FARS2: variants seen among roughly 807,000 people sequenced by gnomAD.
FARS2 encodes phenylalanyl-tRNA synthetase 2, mitochondrial.
Under a neutral mutation model 46.4 loss-of-function variants are expected in FARS2, and 40 were observed. The ratio of observed to expected loss-of-function variants is 0.86; its 90% CI spans 0.67 to 1.12. The LOEUF (loss-of-function observed/expected upper bound fraction) is 1.12. Ranked by LOEUF, FARS2 falls within the 50% of genes most tolerant of loss-of-function variation. The pLI is 0.00. For missense variants in FARS2, 513 were observed against 567.9 expected, an observed-to-expected ratio of 0.90 and a Z score of 0.98; for synonymous variants, 234 against 214.9, an observed-to-expected ratio of 1.09 and a Z score of -0.78.
chr6:5,725,275 A>G (rs9405282), intron 6 of FARS2, among the ~76,000 whole-genome samples: 144,334 of 152,276 alleles, frequency 0.95, 68,442 homozygotes, highest in East Asian at 1. Context: ...GGAAGGTGAA[A>G]GGTGTCCGTG....
intron 4 of FARS2, among the ~76,000 whole-genome samples, chr6:5,543,736 A>G (rs1770775715): frequency 6.6e-6 from 1 of 152,046 alleles, no homozygotes; most frequent in African/African-American, 2.4e-5. Context: ...GCTCGTTGAG[A>G]CGAGTCCTGC....
intron 3 of FARS2, among the ~76,000 whole-genome samples, chr6:5,412,188 C>T (rs762197506): frequency 2.6e-5 from 4 of 152,312 alleles, no homozygotes; most frequent in East Asian, 3.9e-4. Context: ...GATTGCCGAT[C>T]GCCTGCAGCT....
chr6:5,488,435 G>A (rs1251281836), intron 4 of FARS2, among the ~76,000 whole-genome samples: 3 of 152,216 alleles, frequency 2.0e-5, no homozygotes, highest in South Asian at 2.1e-4. Context: ...CTAATCTAAT[G>A]TACTTATATT....
At chr6:5,629,212 G>T (rs1436620764) in intron 6 of FARS2, among the ~76,000 whole-genome samples, 2 of 152,152 alleles carry the variant, frequency 1.3e-5, no homozygotes, top group South Asian at 4.1e-4. Context: ...AAAAATGAGT[G>T]CTTGTCCTCA....
intron 6 of FARS2, among the ~76,000 whole-genome samples, chr6:5,648,513 A>G (rs1383450586): frequency 6.6e-6 from 1 of 152,198 alleles, no homozygotes; most frequent in Non-Finnish European, 1.5e-5. Context: ...CATTCCCTGT[A>G]GGGTGAAGGG....
At chr6:5,432,834 G>T (rs1763306472) in intron 4 of FARS2, among the ~76,000 whole-genome samples, 1 of 152,150 alleles carries the variant, frequency 6.6e-6, no homozygotes, top group South Asian at 2.1e-4. Context: ...CTTGGAAAAT[G>T]AGGATGAGCA....
At chr6:5,701,671 A>G (rs1403663454) in intron 6 of FARS2, among the ~76,000 whole-genome samples, 2 of 152,214 alleles carry the variant, frequency 1.3e-5, no homozygotes, top group Non-Finnish European at 2.9e-5. Context: ...TCATCCCTAA[A>G]CGAACAGTAG....
chr6:5,431,283 C>T, intron 4 of FARS2, 111 bp downstream of exon 4: 1 of 1,052,260 alleles, frequency 9.5e-7, no homozygotes, highest in East Asian at 2.4e-5. Context: ...CGGGCAGCGG[C>T]ATCACTGGTC....
At chr6:5,361,609 T>G (rs1044710689) in intron 1 of FARS2, among the ~76,000 whole-genome samples, 5 of 152,240 alleles carry the variant, frequency 3.3e-5, no homozygotes, top group Admixed American at 2.0e-4. Flanking sequence ...TTGACTTGGC[T>G]TTGTATCAGT....
intron 3 of FARS2, among the ~76,000 whole-genome samples, chr6:5,429,576 C>T (rs1763044922): frequency 6.6e-6 from 1 of 152,132 alleles, no homozygotes; most frequent in Non-Finnish European, 1.5e-5. Flanking sequence ...GAGTTTGAGT[C>T]AGGAGGATTG....
chr6:5,481,718 A>T (rs1225482133), intron 4 of FARS2, among the ~76,000 whole-genome samples: 1 of 112,564 alleles, frequency 8.9e-6, no homozygotes, highest in African/African-American at 2.8e-5. Flanking sequence ...TGGTCGTTTG[A>T]GCTTATCCAG....
At chr6:5,395,621 C>T (rs1375496718) in intron 2 of FARS2, among the ~76,000 whole-genome samples, 2 of 152,292 alleles carry the variant, frequency 1.3e-5, no homozygotes, top group Non-Finnish European at 2.9e-5. Flanking sequence ...TTCTCCTCTC[C>T]TTATTCTCCA....
chr6:5,729,793 T>G (rs944391252), intron 6 of FARS2, among the ~76,000 whole-genome samples: 2 of 152,234 alleles, frequency 1.3e-5, no homozygotes, highest in African/African-American at 4.8e-5. Context: ...ATAAAATGAC[T>G]CCTATGCTCC....
rs566699708 is a variant in FARS2, at chr6:5,644,702, G to A, written c.1217+31382G>A. On this transcript the variant is annotated intron_variant, in intron 6 of 6. Transcript: ENST00000274680. Reference sequence around the variant, plus strand: ...CCCCAGAGGAAAGCTTGGACATTCTGAAGTTTGACCTACCTGTTCTAAACT... The same window carrying A: ...CCCCAGAGGAAAGCTTGGACATTCTAAAGTTTGACCTACCTGTTCTAAACT... 2.0e-5 allele frequency among the ~76,000 whole-genome samples: 3 copies of A among 152,314 alleles called. No homozygotes were observed. In the South Asian group the frequency reaches 6.2e-4, roughly 32 times the overall value.
intron 4 of FARS2, among the ~76,000 whole-genome samples, chr6:5,539,268 A>G (rs1463109430): frequency 2.7e-5 from 4 of 150,042 alleles, no homozygotes; most frequent in Non-Finnish European, 5.9e-5. Flanking sequence ...GTGCAGTGGC[A>G]CGATCTCGGC....
the FARS2 span, among the ~76,000 whole-genome samples, chr6:5,255,297 G>C: frequency 4.6e-5 from 7 of 152,140 alleles, no homozygotes; most frequent in African/African-American, 1.7e-4. Context: ...TAGACACTAA[G>C]TGATATGTGA....
chr6:5,303,016 TC>T (rs1442107473), intron 1 of FARS2, among the ~76,000 whole-genome samples: 2 of 152,336 alleles, frequency 1.3e-5, no homozygotes, highest in Non-Finnish European at 2.9e-5. Flanking sequence ...ATTTGTTGTT[TC>T]ATTTGACCCT....
upstream of FARS2, chr6:5,260,598 T>TGCCCCGGCCCCGGGGCCCCCC: frequency 1.8e-6 from 2 of 1,105,570 alleles, no homozygotes; most frequent in Non-Finnish European, 2.6e-6. Context: ...GCACCCCCGG[T>TGCCCCGGCCCCGGGGCCCCCC]CCCCGGCCCC....
At chr6:5,401,730 A>T (rs1207918259) in intron 2 of FARS2, among the ~76,000 whole-genome samples, 2 of 152,112 alleles carry the variant, frequency 1.3e-5, no homozygotes, top group African/African-American at 4.8e-5. Flanking sequence ...GCATTGATGG[A>T]TATAAACTTC....
Sources: gnomAD v4.1 joint callset for allele counts (sites outside exome capture counted in the v4.1 genomes callset) on GRCh38, gnomAD v4.1.1 for gene constraint, MANE v1.5 for transcripts, NCBI Gene and HGNC (gene_info 2026-07-23, HGNC 2026-07-21) for gene names.